The following DLG2 variants were observed in gnomAD, a reference collection of about 807,000 sequenced individuals.
DLG2 encodes the protein disks large homolog 2.
Under a neutral mutation model 132.5 loss-of-function variants are expected in DLG2, and 45 were observed. That is an observed-to-expected ratio of 0.34 (90% CI 0.27 to 0.44). DLG2 has a LOEUF of 0.44. Ranked by LOEUF, DLG2 falls within the 20% of genes least tolerant of loss-of-function variation. The pLI, the probability that DLG2 is intolerant of heterozygous loss-of-function variation, is 1.00. For synonymous variants in DLG2, 424 were observed against 419.6 expected (o/e 1.01, Z -0.13); for missense variants, 1,045 against 1,196.9 (o/e 0.87, Z 1.87).
intron 6 of DLG2, among the ~76,000 whole-genome samples, chr11:84,767,326 A>G (rs1206530526): frequency 6.6e-6 from 1 of 152,056 alleles, no homozygotes; most frequent in Non-Finnish European, 1.5e-5. Flanking sequence ...GATTGGGCAA[A>G]GGCTTGAGGA....
At chr11:85,094,401 G>A (rs991503491) in intron 6 of DLG2, among the ~76,000 whole-genome samples, 3 of 152,180 alleles carry the variant, frequency 2.0e-5, no homozygotes, top group Admixed American at 1.3e-4. Context: ...GAAAGTTCTA[G>A]GTAGCACCTT....
At chr11:84,389,767 T>C (rs1341522552) in intron 7 of DLG2, among the ~76,000 whole-genome samples, 1 of 152,180 alleles carries the variant, frequency 6.6e-6, no homozygotes, top group Non-Finnish European at 1.5e-5. Flanking sequence ...GAAATAAAAT[T>C]CTATTTCATA....
At chr11:84,438,653 T>G (rs1301867797) in intron 7 of DLG2, among the ~76,000 whole-genome samples, 6 of 152,110 alleles carry the variant, frequency 3.9e-5, no homozygotes, top group Admixed American at 3.9e-4. Flanking sequence ...GAGTTTAGAC[T>G]ATTATGTGAG....
At chr11:84,994,434 G>A (rs2057436611) in intron 6 of DLG2, among the ~76,000 whole-genome samples, 2 of 152,262 alleles carry the variant, frequency 1.3e-5, no homozygotes, top group East Asian at 3.9e-4. Flanking sequence ...TTGGAGAGCA[G>A]CCAACTAGCC....
At chr11:83,588,982 G>A (rs1189275496) in intron 19 of DLG2, among the ~76,000 whole-genome samples, 1 of 146,804 alleles carries the variant, frequency 6.8e-6, no homozygotes, top group African/African-American at 2.5e-5. Flanking sequence ...AAGAAATATG[G>A]GACTATGTGA....
chr11:84,742,660 C>T (rs1263113915), intron 6 of DLG2, among the ~76,000 whole-genome samples: 1 of 152,106 alleles, frequency 6.6e-6, no homozygotes, highest in African/African-American at 2.4e-5. Context: ...CATAATCATC[C>T]GAAGTCCATA....
intron 20 of DLG2, among the ~76,000 whole-genome samples, chr11:83,536,815 T>C (rs2095889728): frequency 6.6e-6 from 1 of 152,172 alleles, no homozygotes; most frequent in Non-Finnish European, 1.5e-5. Flanking sequence ...TCAGGGAGTT[T>C]AAGTGAATTG....
chr11:85,386,751 GAGA>G lies in DLG2; in HGVS notation c.41-101389_41-101387del, dbSNP rs1021490218. Among the ~76,000 whole-genome samples the G allele has an allele frequency of 1.1e-4, 16 of 149,244 alleles. 1 individual carries two copies. The highest frequency in any genetic ancestry group is 3.5e-4 in the African/African-American group (14 of 40,560). On this transcript the variant is annotated intron_variant, in intron 3 of 27. Transcript: ENST00000376104. ...TCTGTTTGTAGCTGTGCCTACCACAGAGAAGATGTTTAATAAATGATAGTGAAA... is the reference window on the plus strand; with the variant it reads ...TCTGTTTGTAGCTGTGCCTACCACAGAGATGTTTAATAAATGATAGTGAAA...
intron 18 of DLG2, among the ~76,000 whole-genome samples, chr11:83,724,458 C>CGTGTGTGTGTGTGTGT (rs150976898): frequency 4.9e-4 from 60 of 121,478 alleles, no homozygotes; most frequent in African/African-American, 2.1e-3. Context: ...TCTCTCTCTC[C>CGTGTGTGTGTGTGTGT]GTGTGTGTGT....
intron 9 of DLG2, among the ~76,000 whole-genome samples, chr11:84,154,439 T>G (rs909047301): frequency 6.6e-6 from 1 of 152,250 alleles, no homozygotes; most frequent in Non-Finnish European, 1.5e-5. Flanking sequence ...TCACACCTGC[T>G]GTAGACTTTC....
At chr11:84,408,204 G>A (rs1185723513) in intron 7 of DLG2, among the ~76,000 whole-genome samples, 3 of 152,082 alleles carry the variant, frequency 2.0e-5, no homozygotes, top group Non-Finnish European at 4.4e-5. Context: ...ACCAACGGGG[G>A]CAGAAGTGGT....
intron 9 of DLG2, among the ~76,000 whole-genome samples, chr11:84,116,314 A>G (rs2093631326): frequency 6.6e-6 from 1 of 152,248 alleles, no homozygotes; most frequent in African/African-American, 2.4e-5. Flanking sequence ...AATAAAAAGG[A>G]TATCCCTGTC....
intron 3 of DLG2, among the ~76,000 whole-genome samples, chr11:85,294,805 C>T (rs929737252): frequency 2.0e-5 from 3 of 152,068 alleles, no homozygotes; most frequent in Non-Finnish European, 2.9e-5. Flanking sequence ...AGAATTAATA[C>T]TTGACAAGGA....
intron 6 of DLG2, among the ~76,000 whole-genome samples, chr11:84,841,383 G>GT (rs1331649678): frequency 6.6e-6 from 1 of 151,824 alleles, no homozygotes; most frequent in African/African-American, 2.4e-5. Context: ...GAATTTTGTT[G>GT]TTTTCCATGT....
chr11:83,648,765 T>A (rs1255229276), intron 18 of DLG2, among the ~76,000 whole-genome samples: 1 of 152,178 alleles, frequency 6.6e-6, no homozygotes, highest in Non-Finnish European at 1.5e-5. Flanking sequence ...TGCTTCTCTA[T>A]GGATGTAGAC....
chr11:83,599,664 A>T (rs956277974), intron 19 of DLG2, among the ~76,000 whole-genome samples: 5 of 152,112 alleles, frequency 3.3e-5, no homozygotes, highest in African/African-American at 1.2e-4. Flanking sequence ...GCCACTAGAC[A>T]TTGTGTTTTT....
intron 8 of DLG2, among the ~76,000 whole-genome samples, chr11:84,217,029 T>G (rs1051334161): frequency 1.2e-4 from 19 of 152,306 alleles, no homozygotes; most frequent in African/African-American, 4.6e-4. Flanking sequence ...CCACTAATTG[T>G]CATTAGTTTA....
At chr11:84,530,994 T>C (rs1051512084) in intron 7 of DLG2, among the ~76,000 whole-genome samples, 2 of 152,072 alleles carry the variant, frequency 1.3e-5, no homozygotes, top group Non-Finnish European at 2.9e-5. Flanking sequence ...AGGAGATCTG[T>C]AGTCCCAGCT....
At chr11:84,366,433 A>G (rs1217049441) in intron 7 of DLG2, among the ~76,000 whole-genome samples, 2 of 152,062 alleles carry the variant, frequency 1.3e-5, no homozygotes, top group Non-Finnish European at 2.9e-5. Flanking sequence ...AGCTAACATC[A>G]TAATGACAGG....
Sources: gnomAD v4.1 joint callset for allele counts (sites outside exome capture counted in the v4.1 genomes callset) on GRCh38, gnomAD v4.1.1 for gene constraint, MANE v1.5 for transcripts, NCBI Gene and HGNC (gene_info 2026-07-23, HGNC 2026-07-21) for gene names.